DNAH14: variants seen among roughly 807,000 people sequenced by gnomAD.
DNAH14 encodes the protein dynein axonemal heavy chain 14.
Under a neutral mutation model 520.9 loss-of-function variants are expected in DNAH14, and 478 were observed. The ratio of observed to expected loss-of-function variants is 0.92; its 90% confidence interval spans 0.85 to 0.99. The LOEUF (loss-of-function observed/expected upper bound fraction) is 0.99. DNAH14 is among the 50% of genes least tolerant of loss of function. The pLI, the probability that DNAH14 is intolerant of heterozygous loss-of-function variation, is 0.00. For synonymous variants in DNAH14, 1,581 were observed against 1,757.2 expected (o/e 0.90, Z 2.51); for missense variants, 4,831 against 5,234.5 (o/e 0.92, Z 2.38).
intron 22 of DNAH14, among the ~76,000 whole-genome samples, chr1:225,098,215 C>A (rs186655426): frequency 0.059 from 8,986 of 151,238 alleles, 330 homozygotes; most frequent in Non-Finnish European, 0.078. Context: ...AAAAAAAAAA[C>A]CAATTTATTA....
At chr1:225,082,782 G>C in intron 20 of DNAH14, 43 bp downstream of exon 20, 1 of 1,484,458 alleles carries the variant, frequency 6.7e-7, no homozygotes. Context: ...TGAAATACCA[G>C]ATGGGCCAAT....
intron 41 of DNAH14, among the ~76,000 whole-genome samples, chr1:225,213,269 T>A (rs2088735743): frequency 6.6e-6 from 1 of 152,176 alleles, no homozygotes; most frequent in African/African-American, 2.4e-5. Context: ...TTGGTCTATA[T>A]CTCTGTTTTG....
chr1:225,235,703 C>T (rs1483840538), intron 42 of DNAH14, among the ~76,000 whole-genome samples: 1 of 152,058 alleles, frequency 6.6e-6, no homozygotes, highest in Non-Finnish European at 1.5e-5. Context: ...TTTATTAATG[C>T]CTCGATTTCA....
At chr1:225,178,565 T>C (rs1001281717) in intron 36 of DNAH14, among the ~76,000 whole-genome samples, 5 of 152,184 alleles carry the variant, frequency 3.3e-5, no homozygotes, top group Non-Finnish European at 5.9e-5. Flanking sequence ...TATCAGGCTA[T>C]GTTTATCCGA....
At chr1:225,099,590 G>C (rs2148716036) in intron 22 of DNAH14, among the ~76,000 whole-genome samples, 1 of 152,244 alleles carries the variant, frequency 6.6e-6, no homozygotes, top group East Asian at 1.9e-4. Flanking sequence ...AATGTCAACA[G>C]TGCAGAAACT....
chr1:225,169,449 A>G (rs2082373521), intron 36 of DNAH14, among the ~76,000 whole-genome samples: 1 of 152,228 alleles, frequency 6.6e-6, no homozygotes, highest in Non-Finnish European at 1.5e-5. Flanking sequence ...AGAAGTCCTT[A>G]AAGGACCTGA....
intron 21 of DNAH14, among the ~76,000 whole-genome samples, chr1:225,087,835 C>T (rs940711543): frequency 3.3e-5 from 5 of 152,180 alleles, no homozygotes; most frequent in Non-Finnish European, 7.3e-5. Context: ...GTGAAACTGC[C>T]AGAGGTCAGG....
intron 3 of DNAH14, 40 bp from the exon 4 acceptor site, chr1:224,960,113 C>G: frequency 6.6e-7 from 1 of 1,512,478 alleles, no homozygotes. Flanking sequence ...TTATTTACAG[C>G]TCACACTAGT....
intron 17 of DNAH14, among the ~76,000 whole-genome samples, chr1:225,075,176 A>G (rs77340725): frequency 1.3e-5 from 2 of 152,268 alleles, no homozygotes; most frequent in African/African-American, 4.8e-5. Context: ...GCAAAGATCC[A>G]TGGGAGAAGT....
intron 73 of DNAH14, among the ~76,000 whole-genome samples, chr1:225,355,196 G>A (rs1301097635): frequency 6.6e-6 from 1 of 152,152 alleles, no homozygotes; most frequent in Admixed American, 6.5e-5. Context: ...AGTGGCTGGT[G>A]AGGGCTTGCT....
At chr1:225,286,740 A>T (rs1396073678) in intron 54 of DNAH14, among the ~76,000 whole-genome samples, 1 of 152,196 alleles carries the variant, frequency 6.6e-6, no homozygotes, top group Non-Finnish European at 1.5e-5. Flanking sequence ...TACCTAACTG[A>T]TGTGAAAACT....
intron 17 of DNAH14, among the ~76,000 whole-genome samples, chr1:225,060,758 T>C (rs1572783585): frequency 2.2e-5 from 1 of 45,746 alleles, no homozygotes; most frequent in African/African-American, 3.3e-5. Context: ...TGCAGGTCTG[T>C]TGGAATTTGC....
At chr1:225,389,390 A>C (rs1015254464) in intron 82 of DNAH14, among the ~76,000 whole-genome samples, 3 of 152,258 alleles carry the variant, frequency 2.0e-5, no homozygotes, top group Non-Finnish European at 4.4e-5. Context: ...TAAGTGTAGC[A>C]ACAGCACTGC....
intron 12 of DNAH14, among the ~76,000 whole-genome samples, chr1:225,039,292 A>G (rs2067237387): frequency 2.0e-5 from 3 of 152,152 alleles, no homozygotes; most frequent in Admixed American, 2.0e-4. Context: ...CCACTGCTAC[A>G]CTACTCTGTC....
In DNAH14 at chr1:225,043,305, G is replaced by A. The variant is rs571630483; in HGVS notation, c.1768+191G>A. Reference sequence around the variant, plus strand: ...AAAAAAAAAAAAAAAAAAGAATGGAGGGAAATATCTTAACAACTGGAAAAT... The same window carrying A: ...AAAAAAAAAAAAAAAAAAGAATGGAAGGAAATATCTTAACAACTGGAAAAT... On this transcript the variant is annotated intron_variant, in intron 13 of 85. Coordinates refer to ENST00000682510, the MANE Select transcript of DNAH14 (RefSeq NM_001367479.1). Among the ~76,000 whole-genome samples, 7 of 149,616 alleles carry A rather than the reference G, an allele frequency of 4.7e-5. No homozygotes were observed. In the South Asian group the frequency reaches 1.5e-3, roughly 31 times the overall value.
chr1:225,077,904 A>G (rs1343928773), intron 17 of DNAH14, among the ~76,000 whole-genome samples: 2 of 152,154 alleles, frequency 1.3e-5, no homozygotes, highest in African/African-American at 2.4e-5. Flanking sequence ...TGATTTTTGC[A>G]TGAACATTTA....
At chr1:225,340,066 T>A (rs1009042238) in intron 68 of DNAH14, among the ~76,000 whole-genome samples, 1 of 151,952 alleles carries the variant, frequency 6.6e-6, no homozygotes, top group South Asian at 2.1e-4. Context: ...AATTTTTTTT[T>A]AAATGATAGC....
chr1:225,191,312 CT>C (rs1291091211), intron 37 of DNAH14, among the ~76,000 whole-genome samples: 1 of 151,942 alleles, frequency 6.6e-6, no homozygotes, highest in African/African-American at 2.4e-5. Flanking sequence ...TAGTTTCTCC[CT>C]CACTTTCATA....
At chr1:225,157,410 T>C (rs907728749) in intron 34 of DNAH14, among the ~76,000 whole-genome samples, 1 of 152,222 alleles carries the variant, frequency 6.6e-6, no homozygotes, top group African/African-American at 2.4e-5. Flanking sequence ...GCTTAAATTT[T>C]AGTTAGATGT....
Sources: allele counts gnomAD v4.1 joint callset (sites outside exome capture counted in the v4.1 genomes callset), GRCh38; gene constraint gnomAD v4.1.1; transcripts MANE v1.5; gene names NCBI Gene and HGNC (gene_info 2026-07-23, HGNC 2026-07-21).